The following SV2C variants were observed in gnomAD, a reference collection of about 807,000 sequenced individuals.
SV2C encodes the protein solute carrier family 22 member B3.
A neutral mutation model predicts 79.7 loss-of-function variants in SV2C; 49 were observed. The observed-to-expected ratio is 0.61, with a 90% CI of 0.49 to 0.78. The LOEUF is 0.78. SV2C is among the 30% of genes least tolerant of loss of function. The probability of loss-of-function intolerance (pLI) is 0.00; values close to 1 mark genes in which losing one functional copy is unlikely to be tolerated. For missense variants in SV2C, 833 were observed against 912.9 expected, an observed-to-expected ratio of 0.91 and a Z score of 1.13; for synonymous variants, 334 against 333.2, an observed-to-expected ratio of 1.00 and a Z score of -0.03.
intron 12 of SV2C, among the ~76,000 whole-genome samples, chr5:76,305,267 T>A (rs1748147585): frequency 6.6e-6 from 1 of 152,170 alleles, no homozygotes; most frequent in Non-Finnish European, 1.5e-5. Flanking sequence ...ACACATCCAA[T>A]CTCTATTAGG....
rs1749145010 is a variant in SV2C, at chr5:76,330,503, A to G, written c.*4956A>G. 6.6e-6 allele frequency: 1 copy of G among 151,964 alleles called. No individual in the cohort carries two copies. Among genetic ancestry groups the G allele is most frequent in the African/African-American group, 2.4e-5 (1 of 41,368 alleles). The allele number at this position is 151,964 out of a possible 1,614,324, so 9.4% of individuals were successfully genotyped here. A position where few individuals can be genotyped will look rare whatever the true frequency, so the allele number is the denominator to read the frequency against. Reference sequence around the variant, plus strand: ...GAGGACTTAAATGAGGGCAAGGAAAACAGAATGAGAGAAGACACTCTCACA... The same window carrying G: ...GAGGACTTAAATGAGGGCAAGGAAAGCAGAATGAGAGAAGACACTCTCACA... On this transcript the variant is annotated 3_prime_UTR_variant, in exon 13 of 13. Transcript: ENST00000502798.
At chr5:76,270,222 T>C (rs1746799085) in intron 4 of SV2C, among the ~76,000 whole-genome samples, 1 of 152,250 alleles carries the variant, frequency 6.6e-6, no homozygotes. Context: ...TAAAGCTGTA[T>C]TGTAGGAAGA....
At chr5:75,954,921 C>T in the SV2C span, among the ~76,000 whole-genome samples, 19 of 147,586 alleles carry the variant, frequency 1.3e-4, no homozygotes, top group South Asian at 6.4e-4. Context: ...AAGAACATTC[C>T]ATGCTCATGG....
At chr5:75,876,086 T>A in the SV2C span, among the ~76,000 whole-genome samples, 1 of 152,114 alleles carries the variant, frequency 6.6e-6, no homozygotes, top group Non-Finnish European at 1.5e-5. Context: ...CCCGAAGGAA[T>A]AGAAATCATT....
chr5:76,077,508 G>T, the SV2C span, among the ~76,000 whole-genome samples: 1 of 152,134 alleles, frequency 6.6e-6, no homozygotes, highest in Non-Finnish European at 1.5e-5. Context: ...AGGAGACAGG[G>T]GTGTCTATGG....
intron 1 of SV2C, among the ~76,000 whole-genome samples, chr5:76,086,949 A>G (rs569816533): frequency 6.6e-6 from 1 of 152,368 alleles, no homozygotes; most frequent in African/African-American, 2.4e-5. Context: ...ACAAAATGAA[A>G]TAAATGGACA....
chr5:75,998,107 C>T, the SV2C span, among the ~76,000 whole-genome samples: 980 of 152,104 alleles, frequency 6.4e-3, 11 homozygotes, highest in African/African-American at 0.022. Context: ...AACCAAACAC[C>T]GCATGTTCTC....
At chr5:76,033,596 C>T in the SV2C span, among the ~76,000 whole-genome samples, 19 of 152,128 alleles carry the variant, frequency 1.2e-4, no homozygotes, top group Non-Finnish European at 2.5e-4. Context: ...TGTTCTGTTC[C>T]ATTGATCTAT....
At chr5:76,199,733 A>C (rs1205741061) in intron 3 of SV2C, among the ~76,000 whole-genome samples, 1 of 152,204 alleles carries the variant, frequency 6.6e-6, no homozygotes, top group African/African-American at 2.4e-5. Context: ...GTTAATCATG[A>C]AGTGAAATAG....
chr5:75,910,869 A>T, the SV2C span: 4 of 1,066,094 alleles, frequency 3.8e-6, no homozygotes, highest in African/African-American at 6.2e-5. Context: ...TGCAATCTCT[A>T]TGAGATGATG....
At chr5:75,950,013 A>G in the SV2C span, among the ~76,000 whole-genome samples, 1 of 152,044 alleles carries the variant, frequency 6.6e-6, no homozygotes, top group East Asian at 1.9e-4. Flanking sequence ...CCTGAGATTA[A>G]CTGAGATGGG....
chr5:76,172,292 G>A (rs1202290097), intron 2 of SV2C, among the ~76,000 whole-genome samples: 1 of 110,924 alleles, frequency 9.0e-6, no homozygotes, highest in African/African-American at 3.0e-5. Context: ...GGGAGGTGGG[G>A]GGGGGGGTCA....
At chr5:75,934,303 T>TTTTTTTTTG in the SV2C span, among the ~76,000 whole-genome samples, 1 of 43,608 alleles carries the variant, frequency 2.3e-5, no homozygotes, top group African/African-American at 1.1e-4. Context: ...TCTTTCTTTC[T>TTTTTTTTTG]TTTTTTTTTT....
chr5:76,270,775 A>ATT (rs545021315), intron 4 of SV2C, among the ~76,000 whole-genome samples: 3 of 146,678 alleles, frequency 2.0e-5, no homozygotes, highest in African/African-American at 5.0e-5. Context: ...TATTTTTATT[A>ATT]TTTTTTTTTT....
intron 12 of SV2C, among the ~76,000 whole-genome samples, chr5:76,304,004 C>T (rs1748101597): frequency 6.6e-6 from 1 of 152,194 alleles, no homozygotes; most frequent in Non-Finnish European, 1.5e-5. Flanking sequence ...ATCATGACAA[C>T]ATCAGCCTCA....
intron 12 of SV2C, chr5:76,353,126 G>A (rs1468750733): frequency 2.3e-6 from 1 of 439,020 alleles, no homozygotes; most frequent in Non-Finnish European, 4.5e-6. Context: ...TTTTTTTTTT[G>A]TAGACGCAGA....
chr5:75,967,034 A>T, the SV2C span, among the ~76,000 whole-genome samples: 264 of 151,972 alleles, frequency 1.7e-3, 1 homozygote, highest in Non-Finnish European at 3.3e-3. Context: ...TTGATTTTTT[A>T]AAAAAATTCT....
intron 4 of SV2C, among the ~76,000 whole-genome samples, chr5:76,279,037 G>A (rs1283431302): frequency 6.6e-6 from 1 of 152,174 alleles, no homozygotes; most frequent in Non-Finnish European, 1.5e-5. Flanking sequence ...CTTACTGATG[G>A]ATTGAACATT....
At chr5:75,912,075 G>T in the SV2C span, among the ~76,000 whole-genome samples, 414 of 152,260 alleles carry the variant, frequency 2.7e-3, no homozygotes, top group African/African-American at 9.6e-3. Flanking sequence ...GAGGAGAAGA[G>T]AACATTAGAC....
Sources: allele counts gnomAD v4.1 joint callset (sites outside exome capture counted in the v4.1 genomes callset), GRCh38; gene constraint gnomAD v4.1.1; transcripts MANE v1.5; gene names NCBI Gene and HGNC (gene_info 2026-07-23, HGNC 2026-07-21).